The following ESR1 variants were observed in gnomAD, a reference collection of about 807,000 sequenced individuals.
The protein encoded by ESR1 is estrogen receptor 1, also known as estrogen receptor.
In ESR1, 12 loss-of-function variants were observed where a neutral mutation model predicts 52.7. That is an observed-to-expected ratio of 0.23 (90% CI 0.15 to 0.37). The LOEUF (loss-of-function observed/expected upper bound fraction) is 0.37, where lower values mean the gene tolerates loss of function less well. Among genes scored for constraint, ESR1 ranks in the 10% least tolerant of loss-of-function variants. The pLI, the probability that ESR1 is intolerant of heterozygous loss-of-function variation, is 1.00. For synonymous variants in ESR1, 305 were observed against 316.8 expected (o/e 0.96, Z 0.39); for missense variants, 584 against 779.7 (o/e 0.75, Z 2.99).
exon 7 of ESR1, chr6:152,129,165 T>C (rs2054572585): frequency 4.6e-5 from 7 of 152,222 alleles, no homozygotes; most frequent in Admixed American, 4.6e-4. Context: ...AACGATGCCT[T>C]CGACATTTTC....
chr6:151,866,558 A>T (rs1190857924), intron 2 of ESR1, among the ~76,000 whole-genome samples: 2 of 151,496 alleles, frequency 1.3e-5, no homozygotes. Flanking sequence ...GCTCCCACTT[A>T]TGAGCGAGAA....
intron 6 of ESR1, among the ~76,000 whole-genome samples, chr6:152,063,349 G>A (rs1320353694): frequency 6.6e-6 from 1 of 152,136 alleles, no homozygotes. Context: ...TTTCTATCAA[G>A]GACAGTACTG....
At chr6:152,071,902 A>G (rs1036744653) in intron 6 of ESR1, among the ~76,000 whole-genome samples, 2 of 152,104 alleles carry the variant, frequency 1.3e-5, no homozygotes, top group Non-Finnish European at 2.9e-5. Context: ...TGAAAAGGGT[A>G]TAAACATTTT....
rs542894746 is a variant in ESR1, at chr6:152,091,727, C to T, written c.1370-2658C>T. Among the ~76,000 whole-genome samples the T allele has an allele frequency of 4.3e-4, 65 of 152,178 alleles. No individual in the cohort carries two copies. The Middle Eastern group carries it at 0.01, about 24-fold the overall frequency. ...TCTTGGGGTCGCTGAGGTCCCAGCA[C>T]GGTGTGCCTTCACACCGTGCAAACA... On this transcript the variant is annotated intron_variant, in intron 6 of 7. Coordinates refer to ENST00000206249, the MANE Select transcript of ESR1 (RefSeq NM_000125.4).
intron 7 of ESR1, among the ~76,000 whole-genome samples, chr6:152,095,989 C>T (rs947924232): frequency 1.3e-5 from 2 of 152,234 alleles, no homozygotes; most frequent in Admixed American, 1.3e-4. Flanking sequence ...CATTTCCATT[C>T]CATTGTCCTG....
chr6:151,991,731 C>T (rs577937816), intron 4 of ESR1, among the ~76,000 whole-genome samples: 3 of 152,260 alleles, frequency 2.0e-5, no homozygotes, highest in African/African-American at 7.2e-5. Flanking sequence ...CTTAGAAGTA[C>T]TTCTGCTTCA....
At position 151,724,033 on chromosome 6, in the gene ESR1, G is replaced by A. The variant is rs564002258; in HGVS notation, c.-71+22028G>A. ...ATACTGGAATTCTAGAAGGTAGAAGGCTTAGCAGAGCAGTTCAGGTGGAAC... is the reference window on the plus strand; with the variant it reads ...ATACTGGAATTCTAGAAGGTAGAAGACTTAGCAGAGCAGTTCAGGTGGAAC... On this transcript the variant is annotated intron_variant, in intron 2 of 2. Coordinates refer to the ESR1 transcript ENST00000404742. Among the ~76,000 whole-genome samples the A allele has an allele frequency of 9.2e-5, 14 of 152,228 alleles. 1 individual carries two copies. In the South Asian group the frequency reaches 2.9e-3, roughly 32 times the overall value.
intron 2 of ESR1, among the ~76,000 whole-genome samples, chr6:151,860,927 G>C (rs962211720): frequency 6.6e-6 from 1 of 152,014 alleles, no homozygotes; most frequent in Admixed American, 6.6e-5. Flanking sequence ...TCATGAACAC[G>C]AAGCTTTAGA....
intron 6 of ESR1, among the ~76,000 whole-genome samples, chr6:152,110,003 G>A (rs768431775): frequency 1.4e-4 from 22 of 152,100 alleles, no homozygotes; most frequent in Admixed American, 1.0e-3. Context: ...CAAAAGCTAC[G>A]TACCAGTTTT....
chr6:151,781,865 C>A (rs76402703), intron 2 of ESR1, among the ~76,000 whole-genome samples: 128 of 151,844 alleles, frequency 8.4e-4, no homozygotes, highest in African/African-American at 2.9e-3. Flanking sequence ...CAGTGGGAAC[C>A]ACAGAGCTAT....
intron 2 of ESR1, among the ~76,000 whole-genome samples, chr6:151,759,284 A>AG (rs1291209573): frequency 4.6e-5 from 7 of 151,632 alleles, no homozygotes; most frequent in African/African-American, 1.7e-4. Context: ...AAAAAAAAAA[A>AG]AAAAAGAAAA....
chr6:152,011,906 G>A, intron 5 of ESR1, 112 bp downstream of exon 5: 1 of 1,208,752 alleles, frequency 8.3e-7, no homozygotes, highest in Non-Finnish European at 1.2e-6. Flanking sequence ...TATTAGGTAT[G>A]TTTACTTAAC....
intron 4 of ESR1, among the ~76,000 whole-genome samples, chr6:151,947,866 ATG>A (rs1476508341): frequency 1.9e-5 from 2 of 103,314 alleles, no homozygotes; most frequent in Non-Finnish European, 5.4e-5. Flanking sequence ...CTGACAAAAG[ATG>A]TTTTTTTTAT....
chr6:151,695,370 G>C (rs141220077), intron 1 of ESR1, among the ~76,000 whole-genome samples: 63 of 152,312 alleles, frequency 4.1e-4, no homozygotes, highest in African/African-American at 1.4e-3. Context: ...ATCACAAGGA[G>C]GCAGAGACAG....
intron 1 of ESR1, among the ~76,000 whole-genome samples, chr6:151,684,463 A>G (rs1221360492): frequency 2.0e-5 from 3 of 152,182 alleles, no homozygotes; most frequent in Non-Finnish European, 4.4e-5. Flanking sequence ...GACGGATTCG[A>G]AATGGTAGAG....
chr6:151,883,315 G>A (rs997881591), intron 3 of ESR1, among the ~76,000 whole-genome samples: 4 of 151,492 alleles, frequency 2.6e-5, no homozygotes, highest in Non-Finnish European at 4.4e-5. Flanking sequence ...TTGTAGAGAC[G>A]GAGTTTCACT....
At chr6:152,041,695 G>A (rs1401683546) in intron 5 of ESR1, among the ~76,000 whole-genome samples, 1 of 152,206 alleles carries the variant, frequency 6.6e-6, no homozygotes, top group Non-Finnish European at 1.5e-5. Context: ...GTGATATCTT[G>A]TGGAAGAGAA....
intron 5 of ESR1, among the ~76,000 whole-genome samples, chr6:152,058,942 T>C (rs1364532162): frequency 6.6e-6 from 1 of 151,958 alleles, no homozygotes; most frequent in African/African-American, 2.4e-5. Context: ...ATAATGCTAA[T>C]CTTAGAGGTC....
chr6:151,950,790 C>A (rs1393559280), intron 4 of ESR1, among the ~76,000 whole-genome samples: 4 of 152,180 alleles, frequency 2.6e-5, no homozygotes, highest in African/African-American at 9.7e-5. Context: ...GCCTCCAGAA[C>A]TGTGAGGCGT....
Sources: allele counts gnomAD v4.1 joint callset (sites outside exome capture counted in the v4.1 genomes callset), GRCh38; gene constraint gnomAD v4.1.1; transcripts MANE v1.5; gene names NCBI Gene and HGNC (gene_info 2026-07-23, HGNC 2026-07-21).